The following GMDS variants were observed in gnomAD, a reference collection of about 807,000 sequenced individuals.
GMDS encodes GDP-mannose 4,6-dehydratase.
GMDS carries 20 observed loss-of-function variants against 49.9 expected under a neutral mutation model. The ratio of observed to expected loss-of-function variants is 0.40; its 90% CI spans 0.28 to 0.58. The LOEUF is 0.58. Ranked by LOEUF, GMDS falls within the 20% of genes least tolerant of loss-of-function variation. The pLI is 0.42. For missense variants in GMDS, 362 were observed against 481.4 expected (o/e 0.75, Z 2.32); for synonymous variants, 177 against 178.6 (o/e 0.99, Z 0.07).
At chr6:2,138,170 T>C (rs1776103307) in intron 1 of GMDS, among the ~76,000 whole-genome samples, 1 of 152,234 alleles carries the variant, frequency 6.6e-6, no homozygotes, top group Non-Finnish European at 1.5e-5. Flanking sequence ...CATTTATTTA[T>C]AAATCTTAAA....
intron 7 of GMDS, among the ~76,000 whole-genome samples, chr6:1,872,954 C>G (rs1758850100): frequency 6.6e-6 from 1 of 152,212 alleles, no homozygotes; most frequent in Admixed American, 6.5e-5. Flanking sequence ...ATGGTATTTT[C>G]TAGAGCAACA....
chr6:1,969,167 C>A (rs1764444370), intron 4 of GMDS, among the ~76,000 whole-genome samples: 1 of 135,996 alleles, frequency 7.4e-6, no homozygotes, highest in Admixed American at 8.2e-5. Flanking sequence ...GAGGCTGAGG[C>A]AGGAGAATGG....
chr6:2,215,719 G>T (rs573701956), intron 1 of GMDS, among the ~76,000 whole-genome samples: 2 of 151,992 alleles, frequency 1.3e-5, no homozygotes, highest in Non-Finnish European at 2.9e-5. Context: ...TTAAAGACAG[G>T]CTAAGAGACA....
intron 1 of GMDS, among the ~76,000 whole-genome samples, chr6:2,216,796 C>T (rs563894396): frequency 3.2e-4 from 49 of 152,322 alleles, no homozygotes; most frequent in Non-Finnish European, 1.6e-4. Context: ...ACTGCATTTA[C>T]GTGCTCCAAA....
chr6:1,934,820 T>A (rs1439764930), intron 6 of GMDS, among the ~76,000 whole-genome samples: 2 of 152,092 alleles, frequency 1.3e-5, no homozygotes, highest in Non-Finnish European at 2.9e-5. Context: ...AGAAACTATA[T>A]AAAAGCATAG....
chr6:1,649,820 C>G (rs1763595815), intron 9 of GMDS, among the ~76,000 whole-genome samples: 1 of 152,222 alleles, frequency 6.6e-6, no homozygotes, highest in South Asian at 2.1e-4. Flanking sequence ...CCTTAGATAT[C>G]ATGCTCCTGA....
intron 7 of GMDS, among the ~76,000 whole-genome samples, chr6:1,875,962 G>A (rs965559744): frequency 2.7e-5 from 4 of 150,280 alleles, no homozygotes; most frequent in Non-Finnish European, 5.9e-5. Flanking sequence ...AGGTTGCGGT[G>A]AGCCGAGATC....
intron 7 of GMDS, among the ~76,000 whole-genome samples, chr6:1,835,923 C>T (rs550030984): frequency 2.6e-5 from 4 of 151,964 alleles, no homozygotes; most frequent in South Asian, 4.2e-4. Context: ...CTCGCTATGT[C>T]GCCCAGGCAG....
intron 9 of GMDS, among the ~76,000 whole-genome samples, chr6:1,705,936 T>C (rs1765720757): frequency 6.6e-6 from 1 of 152,178 alleles, no homozygotes; most frequent in Non-Finnish European, 1.5e-5. Context: ...GGAAGGCCCT[T>C]GCAAGAACAG....
chr6:1,665,778 A>G (rs960995909), intron 9 of GMDS, among the ~76,000 whole-genome samples: 1 of 152,216 alleles, frequency 6.6e-6, no homozygotes, highest in African/African-American at 2.4e-5. Flanking sequence ...ATAGCTAAAC[A>G]GCCCTAGAAA....
chr6:2,186,720 GT>G (rs1778794406), intron 1 of GMDS, among the ~76,000 whole-genome samples: 1 of 152,106 alleles, frequency 6.6e-6, no homozygotes, highest in African/African-American at 2.4e-5. Flanking sequence ...CACCTACACA[GT>G]TTCGCTTAGG....
intron 4 of GMDS, among the ~76,000 whole-genome samples, chr6:2,092,368 C>T (rs933806379): frequency 6.6e-6 from 1 of 152,152 alleles, no homozygotes; most frequent in Non-Finnish European, 1.5e-5. Flanking sequence ...TTTTCCCTGA[C>T]ATCACTCTTT....
intron 1 of GMDS, among the ~76,000 whole-genome samples, chr6:2,137,281 T>A (rs1005165695): frequency 2.0e-5 from 3 of 152,080 alleles, no homozygotes; most frequent in African/African-American, 7.2e-5. Flanking sequence ...ATTAGTTCAT[T>A]CAAAAGTAGT....
At chr6:1,636,556 C>T (rs1338230551) in intron 9 of GMDS, among the ~76,000 whole-genome samples, 1 of 152,350 alleles carries the variant, frequency 6.6e-6, no homozygotes, top group South Asian at 2.1e-4. Context: ...CAGCCACCAA[C>T]ACCTCTCTGG....
chr6:1,897,733 T>C (rs898894551), intron 7 of GMDS, among the ~76,000 whole-genome samples: 2 of 152,244 alleles, frequency 1.3e-5, no homozygotes, highest in Non-Finnish European at 2.9e-5. Context: ...GTTATTCTAC[T>C]GTGCAATCAA....
intron 1 of GMDS, among the ~76,000 whole-genome samples, chr6:2,198,063 G>A (rs751023748): frequency 1.8e-4 from 27 of 152,176 alleles, no homozygotes; most frequent in Non-Finnish European, 4.0e-4. Context: ...GATGCACATC[G>A]TGCCACAGGC....
intron 4 of GMDS, among the ~76,000 whole-genome samples, chr6:1,968,600 A>G (rs1250171586): frequency 1.3e-5 from 2 of 152,068 alleles, no homozygotes; most frequent in Non-Finnish European, 2.9e-5. Flanking sequence ...CTCAAATGGT[A>G]GTCTGGGAGG....
intron 7 of GMDS, among the ~76,000 whole-genome samples, chr6:1,874,303 C>A (rs769943975): frequency 1.2e-4 from 18 of 152,108 alleles, no homozygotes; most frequent in Non-Finnish European, 2.4e-4. Flanking sequence ...GAGAAGTGAA[C>A]ATTTAAGTTG....
intron 7 of GMDS, among the ~76,000 whole-genome samples, chr6:1,905,291 T>C (rs1760702038): frequency 1.3e-5 from 2 of 152,192 alleles, no homozygotes; most frequent in South Asian, 2.1e-4. Context: ...TGCATCTGCA[T>C]GTGGGGCCAG....
Sources: gnomAD v4.1 joint callset for allele counts (sites outside exome capture counted in the v4.1 genomes callset) on GRCh38, gnomAD v4.1.1 for gene constraint, MANE v1.5 for transcripts, NCBI Gene and HGNC (gene_info 2026-07-23, HGNC 2026-07-21) for gene names.